Variants in PLPPR4 observed in about 807,000 individuals in gnomAD.
The protein encoded by PLPPR4 is phospholipid phosphatase related 4.
PLPPR4 carries 24 observed loss-of-function variants against 56.6 expected under a neutral mutation model. The observed-to-expected ratio is 0.42, with a 90% CI of 0.31 to 0.60. The LOEUF (loss-of-function observed/expected upper bound fraction) is 0.60. PLPPR4 is among the 20% of genes least tolerant of loss of function. PLPPR4 has a pLI of 0.13. For synonymous variants in PLPPR4, 326 were observed against 328.1 expected (o/e 0.99, Z 0.07); for missense variants, 654 against 885.8 (o/e 0.74, Z 3.32).
At chr1:99,305,612 A>C in intron 6 of PLPPR4, 73 bp from the exon 7 acceptor site, 1 of 1,453,794 alleles carries the variant, frequency 6.9e-7, no homozygotes, top group Non-Finnish European at 9.4e-7. Context: ...TATGTACTTC[A>C]GTGGGTACTC....
chr1:99,302,230 G>A (rs983543620), intron 6 of PLPPR4, among the ~76,000 whole-genome samples: 3 of 151,984 alleles, frequency 2.0e-5, no homozygotes, highest in Non-Finnish European at 4.4e-5. Flanking sequence ...GTTAGTGAAA[G>A]CAAAAATTTA....
rs2100809611 is a variant in PLPPR4 at position 99,301,707 on chromosome 1, T to C, written c.649-17T>C. ...TGGCCTTTCTAACATACTTAACCCATTTCTTCCATTTTTAAGATGTACTTC... is the reference window on the plus strand; with the variant it reads ...TGGCCTTTCTAACATACTTAACCCACTTCTTCCATTTTTAAGATGTACTTC... On this transcript the variant is annotated splice_polypyrimidine_tract_variant and intron_variant, in intron 5 of 6. Transcript: ENST00000370185. The C allele has an allele frequency of 6.3e-7, 1 of 1,587,296 alleles. No individual in the cohort carries two copies. The highest frequency in any genetic ancestry group is 8.6e-7 in the Non-Finnish European group (1 of 1,163,398).
rs199955807 is a variant in PLPPR4, at chr1:99,301,747, G to A, written c.672G>A (p.Thr224=). ...AGATGTACTTCAATTCCACATTAAC[G>A]GATTCCTCTAAGCTTCTGAAACCTC... ...YVSMYFNSTL[T]DSSKLLKPLL... The change falls in exon 6 of 7, where the codon ACG becomes ACA. Residue 224 remains threonine, a synonymous_variant. Transcript: ENST00000370185. 1.2e-5 allele frequency: 19 copies of A among 1,605,806 alleles called. No homozygotes were observed. The highest frequency in any genetic ancestry group is 1.1e-5 in the South Asian group (1 of 89,702).
chr1:99,264,554 C>G lies in PLPPR4; in HGVS notation c.-40C>G. The G allele has an allele frequency of 6.4e-7, 1 of 1,551,174 alleles. No homozygotes were observed. Among genetic ancestry groups the G allele is most frequent in the Non-Finnish European group, 8.7e-7 (1 of 1,147,208 alleles). On this transcript the variant is annotated 5_prime_UTR_variant, in exon 1 of 7. Transcript: ENST00000370185. ...CTCGCCTCAGCTGCGCTGTGCACAC[C>G]TCGCCCGGGGGAGGACGCAGACCCG...
intron 1 of PLPPR4, among the ~76,000 whole-genome samples, chr1:99,272,786 T>C (rs1344435122): frequency 6.6e-6 from 1 of 152,150 alleles, no homozygotes; most frequent in Non-Finnish European, 1.5e-5. Context: ...TGGAATAGCT[T>C]TGAATTTTCC....
chr1:99,285,251 G>C (rs1040226492), intron 1 of PLPPR4, among the ~76,000 whole-genome samples: 3 of 152,074 alleles, frequency 2.0e-5, no homozygotes, highest in African/African-American at 7.2e-5. Flanking sequence ...TGTCACAATA[G>C]AAAGTTTTAG....
rs771253905 is a variant in PLPPR4 at position 99,305,775 on chromosome 1, G to T, written c.913G>T (p.Asp305Tyr). 1.2e-6 allele frequency: 2 copies of T among 1,614,070 alleles called. No individual in the cohort carries two copies. The highest frequency in any genetic ancestry group is 2.2e-5 in the South Asian group (2 of 91,078). ...ALRSLTDLNQ[D>Y]PNRLLSAKNG... is the part of the protein sequence containing the mutation. ...CAGGTCTCTGACAGACCTCAATCAA[G>T]ATCCCAACCGACTTTTATCTGCTAA... Residue 305 changes from aspartate to tyrosine, a missense_variant, in exon 7 of 7, where the codon GAT becomes TAT. Physicochemically the swap from Asp to Tyr is radical, Grantham distance 160 (BLOSUM62 -3). Transcript: ENST00000370185.
upstream of PLPPR4, chr1:99,264,453 C>A (rs712896): frequency 5.7e-3 from 8,553 of 1,491,916 alleles, 410 homozygotes; most frequent in African/African-American, 0.1. Context: ...GCGCTGCATG[C>A]AGCGCGCTGG....
intron 2 of PLPPR4, among the ~76,000 whole-genome samples, chr1:99,291,447 A>G (rs1659618204): frequency 6.6e-6 from 1 of 152,212 alleles, no homozygotes; most frequent in South Asian, 2.1e-4. Context: ...AGGAACATAA[A>G]TCATTCTATT....
rs554582697 is a variant in PLPPR4 at position 99,299,374 on chromosome 1, A to T, written c.590+144A>T. On this transcript the variant is annotated intron_variant, in intron 4 of 6. Coordinates refer to ENST00000370185, the MANE Select transcript of PLPPR4 (RefSeq NM_014839.5). ...CAATTCAATGATCTCTTCAATTACT[A>T]AACCATAGAAACTCATTGGGGGCTT... The T allele has an allele frequency of 4.6e-6, 3 of 650,460 alleles. No homozygotes were observed. In the East Asian group the frequency reaches 8.2e-5, roughly 18 times the overall value. The allele number at this position is 650,460 out of a possible 1,614,324, so 40.3% of individuals were successfully genotyped here.
intron 5 of PLPPR4, among the ~76,000 whole-genome samples, chr1:99,301,420 C>T (rs72980864): frequency 0.038 from 5,835 of 151,834 alleles, 351 homozygotes; most frequent in African/African-American, 0.13. Context: ...TACAATAGTC[C>T]GTGAAGTCTT....
chr1:99,301,070 G>T, intron 5 of PLPPR4, 104 bp downstream of exon 5: 1 of 1,024,630 alleles, frequency 9.8e-7, no homozygotes. Flanking sequence ...TGTAATAACA[G>T]AATGGTAAAT....
intron 2 of PLPPR4, among the ~76,000 whole-genome samples, chr1:99,295,672 T>C (rs1659722957): frequency 6.6e-6 from 1 of 152,180 alleles, no homozygotes; most frequent in Non-Finnish European, 1.5e-5. Flanking sequence ...AATGGATAAT[T>C]TTAAATCTTG....
chr1:99,299,855 T>A (rs1659838925), intron 4 of PLPPR4, among the ~76,000 whole-genome samples: 1 of 151,714 alleles, frequency 6.6e-6, no homozygotes, highest in Non-Finnish European at 1.5e-5. Context: ...TCTTAATAAA[T>A]AAAGCAAAAA....
At chr1:99,271,712 T>C (rs1028795754) in intron 1 of PLPPR4, among the ~76,000 whole-genome samples, 3 of 152,058 alleles carry the variant, frequency 2.0e-5, no homozygotes, top group African/African-American at 7.2e-5. Context: ...CTGATGAAGA[T>C]TAATGAGGAT....
rs1660126283 is a variant in PLPPR4, at chr1:99,309,254, A to G, written c.*2244A>G. The G allele has an allele frequency of 6.6e-6, 1 of 152,570 alleles. No homozygotes were observed. Among genetic ancestry groups the G allele is most frequent in the African/African-American group, 2.4e-5 (1 of 41,452 alleles). The allele number at this position is 152,570 out of a possible 1,614,324, so 9.5% of individuals were successfully genotyped here. On this transcript the variant is annotated 3_prime_UTR_variant, in exon 7 of 7. Coordinates refer to ENST00000370185, the MANE Select transcript of PLPPR4 (RefSeq NM_014839.5). ...CATTCCACTGGTACCTTAATTTAAA[A>G]TAAATCAGACTAAAAGGTGGTATCT...
chr1:99,306,812 C>A lies in PLPPR4; in HGVS notation c.1950C>A (p.His650Gln). The A allele has an allele frequency of 6.2e-7, 1 of 1,614,044 alleles. No individual in the cohort carries two copies. Among genetic ancestry groups the A allele is most frequent in the South Asian group, 1.1e-5 (1 of 91,062 alleles). The change falls in exon 7 of 7, where the codon CAC becomes CAA. Residue 650 changes from histidine (H) to glutamine (Q), a missense_variant. Around this residue, in one of 2 missense-constraint regions of PLPPR4, gnomAD observed 468 missense variants for 554.3 expected, o/e 0.84. Coordinates refer to ENST00000370185, the MANE Select transcript of PLPPR4 (RefSeq NM_014839.5). This position sits in a 1 kb window ranked among gnomAD's most constrained non-coding sequence, Gnocchi z 4.0. Reference protein sequence around the residue: ...SNIDSNEHHHHGITTIRVTPV... With the variant: ...SNIDSNEHHHQGITTIRVTPV... The stretch of plus-strand genomic sequence containing the variant: ...TTGATAGCAATGAGCATCACCACCA[C>A]GGAATTACCACCATCCGCGTCACCC...
At chr1:99,296,458 T>A (rs1438126132) in intron 2 of PLPPR4, among the ~76,000 whole-genome samples, 1 of 152,176 alleles carries the variant, frequency 6.6e-6, no homozygotes, top group African/African-American at 2.4e-5. Flanking sequence ...TTCTGCTCAA[T>A]CCCAAATTGG....
At chr1:99,288,261 T>A in intron 2 of PLPPR4, 111 bp downstream of exon 2, 1 of 887,940 alleles carries the variant, frequency 1.1e-6, no homozygotes, top group South Asian at 1.8e-5. Flanking sequence ...AAATCCTAAA[T>A]CAAAGTCATG....
Sources: gnomAD v4.1 joint callset for allele counts (sites outside exome capture counted in the v4.1 genomes callset) on GRCh38, gnomAD v4.1.1 for gene constraint, gnomAD v4.1.1 regional missense constraint, Gnocchi (gnomAD v3.1) non-coding constraint, MANE v1.5 for transcripts, NCBI Gene and HGNC (gene_info 2026-07-23, HGNC 2026-07-21) for gene names.